The following SLC35F4 variants were observed in gnomAD, a reference collection of about 807,000 sequenced individuals.
SLC35F4 encodes the protein chromosome 14 open reading frame 36.
Under a neutral mutation model 44.2 loss-of-function variants are expected in SLC35F4, and 24 were observed. The observed-to-expected ratio is 0.54, with a 90% confidence interval of 0.39 to 0.76. SLC35F4 has a LOEUF of 0.76. Among genes scored for constraint, SLC35F4 ranks in the 30% least tolerant of loss-of-function variants. The pLI, the probability that SLC35F4 is intolerant of heterozygous loss-of-function variation, is 0.00. For missense variants in SLC35F4, 562 were observed against 586.1 expected (o/e 0.96, Z 0.42); for synonymous variants, 238 against 223.6 (o/e 1.06, Z -0.57).
intron 1 of SLC35F4, among the ~76,000 whole-genome samples, chr14:57,896,504 T>G (rs1265998741): frequency 6.6e-6 from 1 of 152,196 alleles, no homozygotes; most frequent in African/African-American, 2.4e-5. Flanking sequence ...CCCTTCTTGA[T>G]CTGGGCAGTG....
chr14:57,772,395 TA>T (rs1423454905), intron 1 of SLC35F4, among the ~76,000 whole-genome samples: 3 of 151,982 alleles, frequency 2.0e-5, no homozygotes, highest in Non-Finnish European at 4.4e-5. Flanking sequence ...TTTTTTTGAT[TA>T]GGGGGTACAT....
chr14:57,756,137 T>G (rs947386374), intron 1 of SLC35F4, among the ~76,000 whole-genome samples: 4 of 152,194 alleles, frequency 2.6e-5, no homozygotes, highest in Non-Finnish European at 5.9e-5. Context: ...CATTTTCTCC[T>G]TTTTTTCTAG....
chr14:57,719,665 T>C (rs1201865541), intron 1 of SLC35F4, among the ~76,000 whole-genome samples: 1 of 152,152 alleles, frequency 6.6e-6, no homozygotes, highest in Non-Finnish European at 1.5e-5. Context: ...TAACTTTGTA[T>C]CATGCAACTT....
At chr14:57,767,199 G>A (rs989842737) in intron 1 of SLC35F4, among the ~76,000 whole-genome samples, 1 of 152,130 alleles carries the variant, frequency 6.6e-6, no homozygotes, top group Admixed American at 6.5e-5. Flanking sequence ...AATCAGCAAG[G>A]ACATAGAGGA....
intron 1 of SLC35F4, among the ~76,000 whole-genome samples, chr14:57,639,870 C>A (rs2073153502): frequency 6.6e-6 from 1 of 151,996 alleles, no homozygotes; most frequent in African/African-American, 2.4e-5. Context: ...ATGGGCTGAT[C>A]TGTCCAGGAT....
downstream of SLC35F4, among the ~76,000 whole-genome samples, chr14:57,974,329 A>G (rs541922580): frequency 3.3e-4 from 51 of 152,276 alleles, no homozygotes; most frequent in African/African-American, 1.2e-3. Flanking sequence ...TGAAAGCTGC[A>G]AGCCTTCTTT....
At chr14:57,577,520 G>A (rs73303819) in intron 4 of SLC35F4, among the ~76,000 whole-genome samples, 10,866 of 152,034 alleles carry the variant, frequency 0.071, 430 homozygotes, top group African/African-American at 0.11. Flanking sequence ...TGAATGAATA[G>A]TATAAAAAAA....
chr14:57,623,429 C>G (rs1745712), intron 1 of SLC35F4, among the ~76,000 whole-genome samples: 107,096 of 152,074 alleles, frequency 0.7, 38,549 homozygotes, highest in Middle Eastern at 0.79. Context: ...AGGATATCCA[C>G]GACTTGAACT....
At chr14:57,927,249 C>T (rs1019356400) in intron 1 of SLC35F4, among the ~76,000 whole-genome samples, 3 of 152,166 alleles carry the variant, frequency 2.0e-5, no homozygotes, top group African/African-American at 7.2e-5. Context: ...ACAATGCCTG[C>T]CTTAGGGGTA....
chr14:57,747,970 G>A (rs1346401259), intron 1 of SLC35F4, among the ~76,000 whole-genome samples: 3 of 152,162 alleles, frequency 2.0e-5, no homozygotes, highest in Non-Finnish European at 4.4e-5. Flanking sequence ...ACTTTTAGGA[G>A]CATTTACTTT....
chr14:57,812,198 T>C (rs1882048523), intron 1 of SLC35F4, among the ~76,000 whole-genome samples: 1 of 152,160 alleles, frequency 6.6e-6, no homozygotes, highest in Non-Finnish European at 1.5e-5. Context: ...TCATGTCTGC[T>C]GGGCTCTTTT....
At chr14:57,646,222 G>C (rs1424845900) in intron 1 of SLC35F4, among the ~76,000 whole-genome samples, 2 of 152,132 alleles carry the variant, frequency 1.3e-5, no homozygotes, top group Admixed American at 1.3e-4. Context: ...TTGTACCTCT[G>C]GTAGAATTCG....
chr14:57,659,388 A>G (rs1025295740), intron 1 of SLC35F4, among the ~76,000 whole-genome samples: 2 of 152,172 alleles, frequency 1.3e-5, no homozygotes, highest in Non-Finnish European at 2.9e-5. Flanking sequence ...CAGCAGTCAG[A>G]GTTTTTAAGT....
intron 1 of SLC35F4, among the ~76,000 whole-genome samples, chr14:57,701,704 C>CT (rs985677432): frequency 1.5e-4 from 23 of 152,150 alleles, no homozygotes; most frequent in African/African-American, 5.6e-4. Flanking sequence ...ACTGTATAAA[C>CT]ATACCTATGA....
intron 1 of SLC35F4, among the ~76,000 whole-genome samples, chr14:57,659,916 G>C (rs1364306132): frequency 6.6e-6 from 1 of 152,166 alleles, no homozygotes; most frequent in Non-Finnish European, 1.5e-5. Context: ...CAAGAAGCCT[G>C]CCAAAGAAGC....
At chr14:57,949,192 T>C (rs1365028027) in intron 1 of SLC35F4, among the ~76,000 whole-genome samples, 1 of 152,202 alleles carries the variant, frequency 6.6e-6, no homozygotes, top group Admixed American at 6.5e-5. Flanking sequence ...GTCATTGTTT[T>C]ATGAATTTAG....
intron 1 of SLC35F4, among the ~76,000 whole-genome samples, chr14:57,881,724 G>C (rs1433884102): frequency 6.6e-6 from 1 of 152,094 alleles, no homozygotes; most frequent in Non-Finnish European, 1.5e-5. Flanking sequence ...GAACATGTTG[G>C]TTCTTTATTT....
intron 1 of SLC35F4, among the ~76,000 whole-genome samples, chr14:57,740,632 T>C (rs1215362364): frequency 6.6e-6 from 1 of 152,298 alleles, no homozygotes; most frequent in East Asian, 1.9e-4. Context: ...CATTCTAAAA[T>C]AGCTAGAAGA....
At chr14:57,968,347 G>C (rs965227310) in intron 1 of SLC35F4, among the ~76,000 whole-genome samples, 1 of 152,130 alleles carries the variant, frequency 6.6e-6, no homozygotes, top group Non-Finnish European at 1.5e-5. Context: ...CTGGACTCTA[G>C]AGCTAACGCC....
Sources: allele counts gnomAD v4.1 joint callset (sites outside exome capture counted in the v4.1 genomes callset), GRCh38; gene constraint gnomAD v4.1.1; transcripts MANE v1.5; gene names NCBI Gene and HGNC (gene_info 2026-07-23, HGNC 2026-07-21).